HNF4G: variants seen among roughly 807,000 people sequenced by gnomAD.
HNF4G encodes hepatocyte nuclear factor 4-gamma.
A neutral mutation model predicts 50.9 loss-of-function variants in HNF4G; 21 were observed. That is an observed-to-expected ratio of 0.41 (90% confidence interval 0.29 to 0.59). The LOEUF (loss-of-function observed/expected upper bound fraction) is 0.59, where lower values mean the gene tolerates loss of function less well. Ranked by LOEUF, HNF4G falls within the 20% of genes least tolerant of loss-of-function variation. The pLI is 0.26. For missense variants in HNF4G, 527 were observed against 559.4 expected (o/e 0.94, Z 0.58); for synonymous variants, 198 against 185.6 (o/e 1.07, Z -0.54).
intron 1 of HNF4G, among the ~76,000 whole-genome samples, chr8:75,429,231 G>A (rs1810953145): frequency 6.6e-6 from 1 of 152,172 alleles, no homozygotes; most frequent in Non-Finnish European, 1.5e-5. Context: ...CACCTAACAT[G>A]TGTGCATCTT....
At chr8:75,496,801 T>C (rs1812780204) in intron 2 of HNF4G, among the ~76,000 whole-genome samples, 1 of 138,630 alleles carries the variant, frequency 7.2e-6, no homozygotes, top group Admixed American at 6.9e-5. Context: ...AAATACATTA[T>C]TACTATATAT....
intron 1 of HNF4G, among the ~76,000 whole-genome samples, chr8:75,466,196 A>T (rs1811966630): frequency 6.6e-6 from 1 of 152,092 alleles, no homozygotes; most frequent in East Asian, 1.9e-4. Context: ...CTGTTCCTTT[A>T]TACTCATACC....
chr8:75,538,460 G>A (rs906482873), upstream of HNF4G, among the ~76,000 whole-genome samples: 2 of 152,060 alleles, frequency 1.3e-5, no homozygotes, highest in Admixed American at 6.6e-5. Context: ...GGACACTCCC[G>A]TCAGTGACAT....
At chr8:75,467,543 C>T (rs1164121962) in intron 1 of HNF4G, among the ~76,000 whole-genome samples, 1 of 151,952 alleles carries the variant, frequency 6.6e-6, no homozygotes, top group Middle Eastern at 3.2e-3. Flanking sequence ...ACCTGTAGTC[C>T]CAACTACTGG....
At chr8:75,526,788 A>T in intron 2 of HNF4G, among the ~76,000 whole-genome samples, 1 of 144,548 alleles carries the variant, frequency 6.9e-6, no homozygotes, top group Admixed American at 7.0e-5. Flanking sequence ...TTTCTTTGAG[A>T]TGGAGTCTCG....
intron 2 of HNF4G, among the ~76,000 whole-genome samples, chr8:75,534,390 T>C (rs1182205459): frequency 1.3e-5 from 2 of 151,884 alleles, no homozygotes; most frequent in African/African-American, 4.8e-5. Flanking sequence ...GTAGGTTTAA[T>C]ATATGCAGAT....
At chr8:75,425,062 C>T (rs977367588) in intron 1 of HNF4G, among the ~76,000 whole-genome samples, 2 of 142,580 alleles carry the variant, frequency 1.4e-5, no homozygotes, top group African/African-American at 5.2e-5. Context: ...TCAATGCAGC[C>T]TATTTATTTA....
intron 1 of HNF4G, among the ~76,000 whole-genome samples, chr8:75,415,695 G>A (rs1276779663): frequency 6.6e-6 from 1 of 152,072 alleles, no homozygotes; most frequent in African/African-American, 2.4e-5. Context: ...GCAGAGACTC[G>A]GGGCCATGTG....
At chr8:75,457,339 G>A (rs910661034) in intron 1 of HNF4G, among the ~76,000 whole-genome samples, 2 of 152,164 alleles carry the variant, frequency 1.3e-5, no homozygotes, top group Non-Finnish European at 2.9e-5. Context: ...ACATAATCAG[G>A]TGGTTCCTTG....
intron 1 of HNF4G, among the ~76,000 whole-genome samples, chr8:75,471,851 C>T (rs1249038469): frequency 6.6e-6 from 1 of 152,142 alleles, no homozygotes; most frequent in Admixed American, 6.5e-5. Flanking sequence ...CTTAAAAGAG[C>T]AAATGTAACA....
intron 1 of HNF4G, among the ~76,000 whole-genome samples, chr8:75,418,433 C>G (rs781497451): frequency 2.0e-5 from 3 of 152,198 alleles, no homozygotes; most frequent in Non-Finnish European, 1.5e-5. Context: ...ATCTTCCTTA[C>G]AGTCTATGCA....
At chr8:75,475,507 T>G (rs1282066817) in intron 1 of HNF4G, among the ~76,000 whole-genome samples, 1 of 152,142 alleles carries the variant, frequency 6.6e-6, no homozygotes, top group African/African-American at 2.4e-5. Context: ...TGTATTTATA[T>G]TTATGTATGT....
intron 1 of HNF4G, among the ~76,000 whole-genome samples, chr8:75,422,640 T>G (rs928789471): frequency 8.7e-5 from 13 of 149,248 alleles, no homozygotes; most frequent in African/African-American, 3.2e-4. Flanking sequence ...TGCATTATCT[T>G]TTTTTTTTTT....
At chr8:75,543,169 T>C (rs778650692) in intron 1 of HNF4G, among the ~76,000 whole-genome samples, 4 of 152,156 alleles carry the variant, frequency 2.6e-5, no homozygotes, top group Non-Finnish European at 5.9e-5. Context: ...ATCGCACCAC[T>C]ACTCTCTAGC....
intron 2 of HNF4G, among the ~76,000 whole-genome samples, chr8:75,499,198 G>A (rs1166036422): frequency 6.6e-6 from 1 of 151,960 alleles, no homozygotes; most frequent in Non-Finnish European, 1.5e-5. Context: ...TAGATACAAG[G>A]TTAATATACA....
At chr8:75,504,198 G>A (rs1813004172) in intron 2 of HNF4G, among the ~76,000 whole-genome samples, 1 of 149,830 alleles carries the variant, frequency 6.7e-6, no homozygotes. Flanking sequence ...TCCAGGCTAG[G>A]TGACAGAGTA....
chr8:75,416,500 G>A (rs1233049756), intron 1 of HNF4G, among the ~76,000 whole-genome samples: 1 of 151,916 alleles, frequency 6.6e-6, no homozygotes, highest in Admixed American at 6.6e-5. Flanking sequence ...GCTTATAACC[G>A]AGAGAAACTG....
chr8:75,551,036 T>A (rs1004370235), intron 3 of HNF4G, among the ~76,000 whole-genome samples: 2 of 152,186 alleles, frequency 1.3e-5, no homozygotes, highest in Non-Finnish European at 1.5e-5. Context: ...ATCTTTGACC[T>A]GGTCAATCTT....
Position 75,503,972 on chromosome 8 carries a change from G to A in HNF4G, c.-24+13764G>A, listed in dbSNP as rs147033521. 7.9e-5 allele frequency among the ~76,000 whole-genome samples: 12 copies of A among 152,050 alleles called. No homozygotes were observed. The East Asian group carries it at 2.1e-3, about 27-fold the overall frequency. ...AATCCTAAAAGCTAATAAAATTCTG[G>A]GTGTATTGGGAGGCCGAGGCAGGTG... On this transcript the variant is annotated intron_variant, in intron 2 of 10. Transcript: ENST00000354370.
Sources: gnomAD v4.1 joint callset for allele counts (sites outside exome capture counted in the v4.1 genomes callset) on GRCh38, gnomAD v4.1.1 for gene constraint, MANE v1.5 for transcripts, NCBI Gene and HGNC (gene_info 2026-07-23, HGNC 2026-07-21) for gene names.